Variants in ZNF879 observed in about 807,000 individuals in gnomAD.
ZNF879 encodes zinc finger protein 879.
ZNF879 carries 32 observed loss-of-function variants against 44.3 expected under a neutral mutation model. The ratio of observed to expected loss-of-function variants is 0.72; its 90% CI spans 0.54 to 0.97. The LOEUF is 0.97. Among genes scored for constraint, ZNF879 ranks in the 50% least tolerant of loss-of-function variants. The pLI, the probability that ZNF879 is intolerant of heterozygous loss-of-function variation, is 0.00. For synonymous variants in ZNF879, 234 were observed against 233.2 expected (o/e 1.00, Z -0.03); for missense variants, 621 against 669.7 (o/e 0.93, Z 0.80).
chr5:179,033,738 A>G lies in ZNF879; in HGVS notation c.*98A>G, dbSNP rs1259341509. 1 of 939,744 alleles carries G rather than the reference A, an allele frequency of 1.1e-6. No individual in the cohort carries two copies. Among genetic ancestry groups the G allele is most frequent in the Non-Finnish European group, 1.5e-6 (1 of 646,372 alleles). The allele number at this position is 939,744 out of a possible 1,614,324, so 58.2% of individuals were successfully genotyped here. A position where few individuals can be genotyped will look rare whatever the true frequency, so the allele number is the denominator to read the frequency against. On this transcript the variant is annotated 3_prime_UTR_variant, in exon 5 of 5. Coordinates refer to ENST00000444149, the MANE Select transcript of ZNF879 (RefSeq NM_001136116.3). ...AGAAAGTGATGAAGAGTAGTTAATC[A>G]TAGGTAAAACTTCAGCATTAGACCT...
intron 4 of ZNF879, among the ~76,000 whole-genome samples, chr5:179,031,274 C>T (rs559014030): frequency 6.6e-6 from 1 of 152,286 alleles, no homozygotes; most frequent in African/African-American, 2.4e-5. Flanking sequence ...CTTCCTGTAT[C>T]CTAGAAAACG....
In ZNF879 at chr5:179,033,132, C is replaced by T; in HGVS notation, c.1184C>T (p.Thr395Ile). ...CTTATCATACATCAGAGAATTCACA[C>T]TGGTGAGAAACCATATGCATGCAAA... ...SALIIHQRIH[T>I]GEKPYACKEC... The change falls in exon 5 of 5, where the codon ACT (threonine) becomes ATT (isoleucine). Residue 395 changes from threonine to isoleucine, a missense_variant. Thr to Ile is a moderately conservative substitution (Grantham distance 89). Transcript: ENST00000444149. 1 of 1,585,442 alleles carries T rather than the reference C, an allele frequency of 6.3e-7. No homozygotes were observed. The highest frequency in any genetic ancestry group is 1.1e-5 in the South Asian group (1 of 87,664).
rs887385677 is a variant in ZNF879 at position 179,032,834 on chromosome 5, A to G, written c.886A>G (p.Thr296Ala). 5.5e-5 allele frequency: 86 copies of G among 1,556,566 alleles called. No individual in the cohort carries two copies. The highest frequency in any genetic ancestry group is 7.3e-5 in the Non-Finnish European group (84 of 1,150,072). Residue 296 changes from threonine to alanine, a missense_variant, in exon 5 of 5, where the codon ACA becomes GCA. Transcript: ENST00000444149. Reference protein sequence around the residue: ...RPYKCKECGKTFKGSSSLNNH... With the variant: ...RPYKCKECGKAFKGSSSLNNH... The stretch of plus-strand genomic sequence containing the variant: ...TTATAAATGCAAGGAATGTGGAAAA[A>G]CATTTAAAGGTAGTTCATCTCTTAA...
At chr5:179,031,260 A>G (rs529095025) in intron 4 of ZNF879, among the ~76,000 whole-genome samples, 5 of 152,176 alleles carry the variant, frequency 3.3e-5, no homozygotes, top group African/African-American at 1.2e-4. Flanking sequence ...TGAACTTCCA[A>G]TATCTTCCTG....
At chr5:179,027,695 G>T (rs1761308597) in intron 3 of ZNF879, 96 bp downstream of exon 3, 4 of 1,499,778 alleles carry the variant, frequency 2.7e-6, no homozygotes, top group Middle Eastern at 2.1e-4. Context: ...CGGCTCACAG[G>T]TGGGCTCCAA....
intron 1 of ZNF879, 170 bp from the exon 2 acceptor site, chr5:179,024,800 C>T (rs1227107038): frequency 1.7e-6 from 1 of 582,248 alleles, no homozygotes; most frequent in Non-Finnish European, 3.1e-6. Context: ...GACTCTGAAC[C>T]TGCTTCCCAC....
At chr5:179,028,343 G>A (rs1761327198) in intron 4 of ZNF879, among the ~76,000 whole-genome samples, 1 of 152,112 alleles carries the variant, frequency 6.6e-6, no homozygotes, top group African/African-American at 2.4e-5. Context: ...CTTGTAATTT[G>A]CAGAATATGT....
At chr5:179,028,278 C>T (rs1761324650) in intron 4 of ZNF879, among the ~76,000 whole-genome samples, 151 bp downstream of exon 4, 1 of 152,200 alleles carries the variant, frequency 6.6e-6, no homozygotes, top group African/African-American at 2.4e-5. Flanking sequence ...CTTGATCCAT[C>T]ATGTTCAGAG....
At chr5:179,027,689 T>TCA in intron 3 of ZNF879, 90 bp downstream of exon 3, 1 of 1,513,018 alleles carries the variant, frequency 6.6e-7, no homozygotes, top group South Asian at 1.3e-5. Context: ...CCAGGTCGGC[T>TCA]CACAGGTGGG....
chr5:179,026,103 C>T (rs60073676), intron 2 of ZNF879, among the ~76,000 whole-genome samples: 1 of 141,314 alleles, frequency 7.1e-6, no homozygotes. Context: ...AAAAAAAAAA[C>T]AAAGAAAGAA....
intron 4 of ZNF879, among the ~76,000 whole-genome samples, chr5:179,030,497 C>A (rs756605395): frequency 6.6e-6 from 1 of 152,190 alleles, no homozygotes; most frequent in Non-Finnish European, 1.5e-5. Flanking sequence ...ATGATGATGT[C>A]AGCCTACATT....
intron 2 of ZNF879, among the ~76,000 whole-genome samples, chr5:179,025,633 C>T (rs970246833): frequency 6.6e-6 from 1 of 152,078 alleles, no homozygotes; most frequent in Admixed American, 6.5e-5. Context: ...CTTCCTAACA[C>T]GGGGAATTTG....
rs1228851834 is a variant in ZNF879, at chr5:179,033,938, G to T, written c.*298G>T. On this transcript the variant is annotated 3_prime_UTR_variant, in exon 5 of 5. Transcript: ENST00000444149. ...TACGATAACAGCCACCAGCTTTCCTGAGCATCACTGGGAAGCCTGCTGTTT... is the reference window on the plus strand; with the variant it reads ...TACGATAACAGCCACCAGCTTTCCTTAGCATCACTGGGAAGCCTGCTGTTT... 2 of 222,756 alleles carry T rather than the reference G, an allele frequency of 9.0e-6. No homozygotes were observed. The highest frequency in any genetic ancestry group is 4.6e-5 in the African/African-American group (2 of 43,946). 13.8% of individuals were successfully genotyped at this position (222,756 alleles called of 1,614,324 possible).
chr5:179,032,826 G>A lies in ZNF879; in HGVS notation c.878G>A (p.Cys293Tyr). The stretch of plus-strand genomic sequence containing the variant: ...GAGAGACCTTATAAATGCAAGGAAT[G>A]TGGAAAAACATTTAAAGGTAGTTCA... ...TGERPYKCKE[C>Y]GKTFKGSSSL... Residue 293 changes from cysteine (C) to tyrosine (Y), a missense_variant, in exon 5 of 5, where the codon TGT becomes TAT. Coordinates refer to ENST00000444149, the MANE Select transcript of ZNF879 (RefSeq NM_001136116.3). 6.4e-7 allele frequency: 1 copy of A among 1,555,734 alleles called. No individual in the cohort carries two copies. Among genetic ancestry groups the A allele is most frequent in the East Asian group, 2.4e-5 (1 of 41,124 alleles).
chr5:179,026,616 G>A (rs990383967), intron 2 of ZNF879, among the ~76,000 whole-genome samples: 6 of 152,102 alleles, frequency 3.9e-5, no homozygotes, highest in Non-Finnish European at 7.4e-5. Context: ...CTGAATAACC[G>A]GGACTACAGG....
intron 2 of ZNF879, among the ~76,000 whole-genome samples, chr5:179,025,331 G>C (rs900933556): frequency 6.6e-6 from 1 of 151,972 alleles, no homozygotes; most frequent in African/African-American, 2.4e-5. Context: ...GGGACTACAG[G>C]CATGTGTGCC....
chr5:179,026,898 A>G (rs1002005789), intron 2 of ZNF879, among the ~76,000 whole-genome samples: 1 of 152,146 alleles, frequency 6.6e-6, no homozygotes, highest in Non-Finnish European at 1.5e-5. Flanking sequence ...GTGGGGAGGG[A>G]GACTACTGAC....
intron 1 of ZNF879, 75 bp from the exon 2 acceptor site, chr5:179,024,895 T>A: frequency 8.3e-7 from 1 of 1,210,016 alleles, no homozygotes; most frequent in Non-Finnish European, 1.2e-6. Flanking sequence ...TTATGGCTTC[T>A]AACCTGGTCT....
chr5:179,029,202 C>T (rs1761359335), intron 4 of ZNF879, among the ~76,000 whole-genome samples: 1 of 151,562 alleles, frequency 6.6e-6, no homozygotes, highest in Non-Finnish European at 1.5e-5. Context: ...ATTCTATTTC[C>T]TGTATAGGTA....
Sources: allele counts gnomAD v4.1 joint callset (sites outside exome capture counted in the v4.1 genomes callset), GRCh38; gene constraint gnomAD v4.1.1; transcripts MANE v1.5; gene names NCBI Gene and HGNC (gene_info 2026-07-23, HGNC 2026-07-21).